DRD2: variants seen among roughly 807,000 people sequenced by gnomAD.
The protein encoded by DRD2 is dopamine receptor D2, also known as D(2) dopamine receptor.
DRD2 carries 8 observed loss-of-function variants against 38.0 expected under a neutral mutation model. The ratio of observed to expected loss-of-function variants is 0.21; its 90% CI spans 0.12 to 0.38. The LOEUF is 0.38. DRD2 is among the 10% of genes least tolerant of loss of function. The pLI is 1.00. For missense variants in DRD2, 403 were observed against 607.7 expected (o/e 0.66, Z 3.54); for synonymous variants, 230 against 238.6 (o/e 0.96, Z 0.33).
At chr11:113,421,797 G>A (rs1056526675) in intron 2 of DRD2, among the ~76,000 whole-genome samples, 14 of 152,136 alleles carry the variant, frequency 9.2e-5, no homozygotes, top group Non-Finnish European at 1.3e-4. Flanking sequence ...CACCTGGGAC[G>A]TTCTCTAGGG....
chr11:113,448,824 G>A (rs1951181720), intron 1 of DRD2, among the ~76,000 whole-genome samples: 1 of 152,168 alleles, frequency 6.6e-6, no homozygotes, highest in Non-Finnish European at 1.5e-5. Flanking sequence ...GCGAAGAGGA[G>A]ACCAGGCCCA....
chr11:113,460,996 A>C (rs931403659), intron 1 of DRD2, among the ~76,000 whole-genome samples: 2 of 152,230 alleles, frequency 1.3e-5, no homozygotes, highest in Non-Finnish European at 2.9e-5. Context: ...CTCCAGACTT[A>C]CTCAAGTCAT....
intron 1 of DRD2, among the ~76,000 whole-genome samples, chr11:113,439,046 G>T (rs958248344): frequency 6.6e-6 from 1 of 152,158 alleles, no homozygotes; most frequent in Admixed American, 6.5e-5. Context: ...AAAGTGTCTT[G>T]CAAACTCTAA....
chr11:113,449,366 C>A (rs1050616886), intron 1 of DRD2, among the ~76,000 whole-genome samples: 5 of 152,114 alleles, frequency 3.3e-5, no homozygotes, highest in African/African-American at 7.2e-5. Context: ...ATGTCCCAGA[C>A]CCCTGGGGGA....
chr11:113,472,246 T>G (rs1383620105), intron 1 of DRD2, among the ~76,000 whole-genome samples: 1 of 152,242 alleles, frequency 6.6e-6, no homozygotes, highest in Non-Finnish European at 1.5e-5. Context: ...AACACTAAAA[T>G]GTAACTTTTA....
intron 5 of DRD2, 117 bp from the exon 6 acceptor site, chr11:113,414,578 A>C: frequency 1.0e-6 from 1 of 975,894 alleles, no homozygotes. Context: ...AGAGATCAGG[A>C]GGGTGGGGGC....
At chr11:113,454,899 A>G (rs76957382) in intron 1 of DRD2, among the ~76,000 whole-genome samples, 1 of 152,216 alleles carries the variant, frequency 6.6e-6, no homozygotes, top group Non-Finnish European at 1.5e-5. Context: ...AGTCTCTTCA[A>G]TGAGAGGTGT....
rs200890663 is a variant in DRD2 at position 113,412,568 on chromosome 11, C to T, written c.1126G>A (p.Ala376Thr). The change falls in exon 7 of 8, where the codon GCC becomes ACC. Residue 376 changes from alanine to threonine, a missense_variant. Ala to Thr is a moderately conservative substitution (Grantham distance 58). Coordinates refer to ENST00000362072, the MANE Select transcript of DRD2 (RefSeq NM_000795.4). The stretch of plus-strand genomic sequence containing the variant: ...AGGGCCGACTCACCGAGAACAATGG[C>T]GAGCATCTGAGTGGCTTTCTTCTCC... The part of the protein sequence containing the change: ...QKEKKATQML[A>T]IVLGVFIICW... 1.1e-5 allele frequency: 18 copies of T among 1,613,424 alleles called. No homozygotes were observed. Among genetic ancestry groups the T allele is most frequent in the Non-Finnish European group, 1.5e-5 (18 of 1,180,042 alleles).
intron 2 of DRD2, among the ~76,000 whole-genome samples, chr11:113,419,693 G>T (rs537380786): frequency 2.0e-5 from 3 of 152,272 alleles, no homozygotes; most frequent in Admixed American, 6.5e-5. Context: ...CCCGCAACCC[G>T]GAGTAGGGCA....
intron 2 of DRD2, among the ~76,000 whole-genome samples, chr11:113,420,791 G>A (rs929191187): frequency 6.6e-6 from 1 of 152,216 alleles, no homozygotes; most frequent in Non-Finnish European, 1.5e-5. Context: ...ACTAGGGAGG[G>A]TCAGAGAAGA....
chr11:113,470,340 G>A (rs1163995221), intron 1 of DRD2, among the ~76,000 whole-genome samples: 1 of 152,218 alleles, frequency 6.6e-6, no homozygotes, highest in Admixed American at 6.5e-5. Context: ...GACATCTGCA[G>A]GGGATTATCG....
chr11:113,414,167 C>T (rs1387696196), intron 6 of DRD2: 36 of 641,010 alleles, frequency 5.6e-5, no homozygotes, highest in Non-Finnish European at 8.2e-5. Context: ...ACCATTTTCT[C>T]GTACACATCC....
intron 1 of DRD2, among the ~76,000 whole-genome samples, chr11:113,469,168 ACCCTGCCTCCCTCCTGCTCCTGCCG>A (rs905815566): frequency 1.3e-5 from 2 of 151,812 alleles, no homozygotes; most frequent in Non-Finnish European, 2.9e-5. Flanking sequence ...GGCTTAGTTG[ACCCTGCCTCCCTCCTGCTCCTGCCG>A]CCCTCCCTCC....
intron 4 of DRD2, among the ~76,000 whole-genome samples, chr11:113,416,099 C>T (rs967359457): frequency 3.3e-5 from 5 of 152,202 alleles, no homozygotes; most frequent in African/African-American, 9.6e-5. Context: ...CCTTCTAGGT[C>T]TACCAGACGC....
At chr11:113,473,212 T>G (rs1477768923) in intron 1 of DRD2, among the ~76,000 whole-genome samples, 1 of 152,166 alleles carries the variant, frequency 6.6e-6, no homozygotes, top group Non-Finnish European at 1.5e-5. Context: ...TTATGTAAAA[T>G]AAACTTGATT....
At position 113,412,681 on chromosome 11, in the gene DRD2, G is replaced by A. The variant is rs1950780568; in HGVS notation, c.1013C>T (p.Ala338Val). 2 of 1,614,108 alleles carry A rather than the reference G, an allele frequency of 1.2e-6. No individual in the cohort carries two copies. The highest frequency in any genetic ancestry group is 2.2e-5 in the South Asian group (2 of 91,092). Residue 338 changes from alanine to valine, a missense_variant, in exon 7 of 8, where the codon GCC becomes GTC. Transcript: ENST00000362072. ...CATGGTCTGGATCTCAAAGATCTTG[G>A]CAATCTTGGGGTGGTCTTTGGCATG... ...NGHAKDHPKI[A>V]KIFEIQTMPN...
At chr11:113,414,507 G>C (rs1565660072) in intron 5 of DRD2, 46 bp from the exon 6 acceptor site, 1 of 1,608,406 alleles carries the variant, frequency 6.2e-7, no homozygotes, top group Non-Finnish European at 8.5e-7. Context: ...GGTGGGGATG[G>C]AGGGGGGACA....
chr11:113,465,486 A>G (rs1208540684), intron 1 of DRD2, among the ~76,000 whole-genome samples: 1 of 151,916 alleles, frequency 6.6e-6, no homozygotes, highest in Admixed American at 6.6e-5. Flanking sequence ...TGTGCTTAAA[A>G]CCCAATCCTT....
At chr11:113,412,983 G>A (rs1950785009) in intron 6 of DRD2, 100 bp from the exon 7 acceptor site, 3 of 1,329,506 alleles carry the variant, frequency 2.3e-6, no homozygotes, top group African/African-American at 2.9e-5. Flanking sequence ...GAAGACTCCT[G>A]CAAACACCAC....
Sources: allele counts gnomAD v4.1 joint callset (sites outside exome capture counted in the v4.1 genomes callset), GRCh38; gene constraint gnomAD v4.1.1; transcripts MANE v1.5; gene names NCBI Gene and HGNC (gene_info 2026-07-23, HGNC 2026-07-21).